DCAF12: variants seen among roughly 807,000 people sequenced by gnomAD.
The protein encoded by DCAF12 is DDB1 and CUL4 associated factor 12, also known as DDB1- and CUL4-associated factor 12.
In DCAF12, 28 loss-of-function variants were observed where a neutral mutation model predicts 52.8. That is an observed-to-expected ratio of 0.53 (90% confidence interval 0.39 to 0.73). The LOEUF is 0.73. Ranked by LOEUF, DCAF12 falls within the 30% of genes least tolerant of loss-of-function variation. The probability of loss-of-function intolerance (pLI) is 0.00; values close to 1 mark genes in which losing one functional copy is unlikely to be tolerated. For missense variants in DCAF12, 425 were observed against 552.2 expected (o/e 0.77, Z 2.31); for synonymous variants, 196 against 215.5 (o/e 0.91, Z 0.79).
chr9:34,112,512 TG>T (rs1829020219), intron 2 of DCAF12, among the ~76,000 whole-genome samples: 1 of 151,706 alleles, frequency 6.6e-6, no homozygotes, highest in Non-Finnish European at 1.5e-5. Flanking sequence ...GAGAATTGCT[TG>T]GACCCAGGAG....
chr9:34,123,180 C>T (rs939047477), intron 2 of DCAF12, among the ~76,000 whole-genome samples: 2 of 152,216 alleles, frequency 1.3e-5, no homozygotes, highest in African/African-American at 4.8e-5. Context: ...AGCACAGGGA[C>T]ATTCTACATC....
intron 4 of DCAF12, among the ~76,000 whole-genome samples, chr9:34,100,187 C>A (rs1218422475): frequency 6.7e-6 from 1 of 149,878 alleles, no homozygotes. Flanking sequence ...GGTATGCACC[C>A]CCATGACTGG....
intron 2 of DCAF12, among the ~76,000 whole-genome samples, chr9:34,111,583 G>C (rs146900837): frequency 4.4e-4 from 67 of 152,308 alleles, no homozygotes; most frequent in African/African-American, 1.6e-3. Flanking sequence ...ACCTTTCAGA[G>C]GGCCTGCCCA....
rs1009810649 is a variant in DCAF12, at chr9:34,126,596, A to G, written c.-165T>C. On this transcript the variant is annotated 5_prime_UTR_variant, in exon 1 of 9. Coordinates refer to ENST00000361264, the MANE Select transcript of DCAF12 (RefSeq NM_015397.4). ...CAGCAGAAAAAAGATAGGCGGAAAG[A>G]AAGGAAAGAGAGAGGAAGGACTTGA... 2.4e-5 allele frequency: 18 copies of G among 738,952 alleles called. No homozygotes were observed. In the African/African-American group the frequency reaches 3.2e-4, roughly 13 times the overall value. 45.8% of individuals were successfully genotyped at this position (738,952 alleles called of 1,614,324 possible). A position where few individuals can be genotyped will look rare whatever the true frequency, so the allele number is the denominator to read the frequency against.
intron 4 of DCAF12, among the ~76,000 whole-genome samples, chr9:34,105,771 G>A (rs1240535123): frequency 7.2e-6 from 1 of 139,350 alleles, no homozygotes; most frequent in Non-Finnish European, 1.5e-5. Context: ...TTTTTTTTGA[G>A]ATGGAGTCTC....
At chr9:34,119,690 T>C (rs543910100) in intron 2 of DCAF12, among the ~76,000 whole-genome samples, 10 of 147,288 alleles carry the variant, frequency 6.8e-5, no homozygotes, top group South Asian at 2.2e-4. Flanking sequence ...ACAAATACTA[T>C]GTACTTTTGC....
intron 2 of DCAF12, among the ~76,000 whole-genome samples, chr9:34,121,310 A>C (rs963554869): frequency 2.6e-5 from 4 of 152,306 alleles, no homozygotes; most frequent in African/African-American, 9.6e-5. Flanking sequence ...CCAAACATAG[A>C]ATTTGCCCGT....
At chr9:34,115,581 G>C (rs1020909566) in intron 2 of DCAF12, among the ~76,000 whole-genome samples, 2 of 146,474 alleles carry the variant, frequency 1.4e-5, no homozygotes, top group African/African-American at 5.0e-5. Flanking sequence ...CCTGGCGACA[G>C]AGCAAGACTT....
intron 7 of DCAF12, among the ~76,000 whole-genome samples, chr9:34,092,350 T>C (rs1283871426): frequency 6.6e-6 from 1 of 152,180 alleles, no homozygotes; most frequent in Non-Finnish European, 1.5e-5. Context: ...AATAGAATTT[T>C]AGTTCAGGCA....
chr9:34,108,352 G>C lies in DCAF12; in HGVS notation c.334-787C>G, dbSNP rs139307764. Among the ~76,000 whole-genome samples the C allele has an allele frequency of 2.9e-4, 44 of 152,260 alleles. No homozygotes were observed. The East Asian group carries it at 8.3e-3, about 29-fold the overall frequency. On this transcript the variant is annotated intron_variant, in intron 2 of 8. Coordinates refer to ENST00000361264, the MANE Select transcript of DCAF12 (RefSeq NM_015397.4). ...GAGAGAAATAATATCTGCCCTAATA[G>C]ATACACCTTATAGCCTAAGAGGCTG... is the stretch of plus-strand genomic sequence containing the variant.
At chr9:34,113,612 T>A (rs1278862099) in intron 2 of DCAF12, among the ~76,000 whole-genome samples, 3 of 151,820 alleles carry the variant, frequency 2.0e-5, no homozygotes, top group Admixed American at 6.6e-5. Flanking sequence ...AGTGCTGGGA[T>A]TACAAGCATG....
intron 7 of DCAF12, 189 bp from the exon 8 acceptor site, chr9:34,089,779 C>T: frequency 2.0e-6 from 1 of 506,814 alleles, no homozygotes; most frequent in South Asian, 3.3e-5. Flanking sequence ...ATCCTGATGC[C>T]ATCCTGCCTA....
rs937687572 is a variant in DCAF12 at position 34,093,443 on chromosome 9, G to C, written c.867C>G (p.Leu289=). Residue 289 remains leucine, a synonymous_variant, in exon 7 of 9, where the codon CTC becomes CTG. Transcript: ENST00000361264. The part of the protein sequence containing the change: ...WKAENTLSKL[L]STKLPYCREN... ...CACGGCAATATGGCAGTTTGGTGGA[G>C]AGGAGCTGAAAATAGAGGAGAGATA... The C allele has an allele frequency of 6.8e-6, 11 of 1,613,926 alleles. No individual in the cohort carries two copies. Among genetic ancestry groups the C allele is most frequent in the African/African-American group, 1.3e-5 (1 of 74,908 alleles).
intron 7 of DCAF12, among the ~76,000 whole-genome samples, chr9:34,092,353 T>C (rs1397697271): frequency 6.6e-6 from 1 of 152,150 alleles, no homozygotes; most frequent in African/African-American, 2.4e-5. Context: ...AGAATTTTAG[T>C]TCAGGCAGGA....
At chr9:34,098,178 A>T in intron 5 of DCAF12, 146 bp downstream of exon 5, 2 of 811,124 alleles carry the variant, frequency 2.5e-6, no homozygotes, top group East Asian at 2.6e-5. Flanking sequence ...ATAATTTCTC[A>T]CCAGCATCAC....
chr9:34,117,646 G>A (rs1351749243), intron 2 of DCAF12, among the ~76,000 whole-genome samples: 1 of 152,282 alleles, frequency 6.6e-6, no homozygotes, highest in South Asian at 2.1e-4. Context: ...TGGGTGCAGT[G>A]GCTCACACCT....
chr9:34,116,349 A>AAAAT (rs1055851141), intron 2 of DCAF12, among the ~76,000 whole-genome samples: 17 of 151,830 alleles, frequency 1.1e-4, no homozygotes, highest in African/African-American at 3.9e-4. Context: ...GTCCGTCTCA[A>AAAAT]AAATAAATAA....
chr9:34,121,671 G>A (rs1254397701), intron 2 of DCAF12, among the ~76,000 whole-genome samples: 2 of 152,012 alleles, frequency 1.3e-5, no homozygotes, highest in African/African-American at 4.8e-5. Context: ...TCGGCCAGGC[G>A]CGGTGGCTCA....
At chr9:34,122,872 ACTC>A (rs1316472598) in intron 2 of DCAF12, among the ~76,000 whole-genome samples, 1 of 151,606 alleles carries the variant, frequency 6.6e-6, no homozygotes, top group Non-Finnish European at 1.5e-5. Flanking sequence ...AGCCCCTACT[ACTC>A]CTTACTGTCT....
Sources: allele counts gnomAD v4.1 joint callset (sites outside exome capture counted in the v4.1 genomes callset), GRCh38; gene constraint gnomAD v4.1.1; transcripts MANE v1.5; gene names NCBI Gene and HGNC (gene_info 2026-07-23, HGNC 2026-07-21).